The following HK2 variants were observed in gnomAD, a reference collection of about 807,000 sequenced individuals.
HK2 encodes the protein hexokinase-2.
HK2 carries 42 observed loss-of-function variants against 92.9 expected under a neutral mutation model. The ratio of observed to expected loss-of-function variants is 0.45; its 90% CI spans 0.35 to 0.58. HK2 has a LOEUF of 0.58. HK2 is among the 20% of genes least tolerant of loss of function. HK2 has a pLI of 0.00. For missense variants in HK2, 978 were observed against 1,245.1 expected, an observed-to-expected ratio of 0.79 and a Z score of 3.23; for synonymous variants, 422 against 468.0, an observed-to-expected ratio of 0.90 and a Z score of 1.27.
In HK2 at chr2:74,889,432, A is replaced by G. The variant is rs143752008; in HGVS notation, c.2563A>G (p.Lys855Glu). 4 of 1,613,778 alleles carry G rather than the reference A, an allele frequency of 2.5e-6. No individual in the cohort carries two copies. The African/African-American group carries it at 5.3e-5, about 22-fold the overall frequency. The stretch of plus-strand genomic sequence containing the variant: ...AGAAAACCGTGGGCTGGACGCTCTC[A>G]AAGTGACAGTGGGTGTGGATGGGAC... ...IRENRGLDAL[K>E]VTVGVDGTLY... The change falls in exon 17 of 18, where the codon AAA becomes GAA. Residue 855 changes from lysine to glutamate, a missense_variant. This residue lies in a region of HK2 where 742 missense variants were observed against 922.5 expected (regional missense o/e 0.80). Coordinates refer to ENST00000290573, the MANE Select transcript of HK2 (RefSeq NM_000189.5).
intron 6 of HK2, 102 bp from the exon 7 acceptor site, chr2:74,874,164 C>A: frequency 6.8e-7 from 1 of 1,464,756 alleles, no homozygotes; most frequent in Non-Finnish European, 9.5e-7. Context: ...TGAGAAATCC[C>A]AGCCATCCTG....
intron 1 of HK2, among the ~76,000 whole-genome samples, chr2:74,853,478 C>T (rs1353537204): frequency 6.6e-6 from 1 of 151,848 alleles, no homozygotes; most frequent in Non-Finnish European, 1.5e-5. Context: ...GATTGCGCCA[C>T]TCTACTCCAG....
chr2:74,886,289 C>T lies in HK2; in HGVS notation c.1936-5C>T. On this transcript the variant is annotated splice_polypyrimidine_tract_variant and splice_region_variant and intron_variant, in intron 13 of 17. Coordinates refer to ENST00000290573, the MANE Select transcript of HK2 (RefSeq NM_000189.5). ...TGAACTGGGCATCTGCTTCTTCCCT[C>T]TCAGGAGTTTGACCTGGATGTGGTT... The T allele has an allele frequency of 6.2e-7, 1 of 1,613,220 alleles. No individual in the cohort carries two copies. The highest frequency in any genetic ancestry group is 2.2e-5 in the East Asian group (1 of 44,878).
intron 6 of HK2, 144 bp downstream of exon 6, chr2:74,874,087 AG>A: frequency 1.0e-6 from 1 of 966,914 alleles, no homozygotes; most frequent in Non-Finnish European, 1.6e-6. Context: ...AGAGCCGAGC[AG>A]GGACTCATGG....
intron 2 of HK2, among the ~76,000 whole-genome samples, chr2:74,858,365 G>A (rs1048467841): frequency 6.6e-6 from 1 of 152,182 alleles, no homozygotes; most frequent in African/African-American, 2.4e-5. Context: ...GGACAGTGTG[G>A]GGTGAGAGGT....
In HK2 at chr2:74,880,293, C is replaced by T. The variant is rs148796379; in HGVS notation, c.1294C>T (p.Arg432Trp). The T allele has an allele frequency of 3.5e-5, 56 of 1,614,048 alleles. No homozygotes were observed. The highest frequency in any genetic ancestry group is 1.6e-4 in the Middle Eastern group (1 of 6,082). ...HFAKRLHKTV[R>W]RLVPGCDVRF... is the part of the protein sequence containing the mutation. ...TGCCAAGCGTCTACATAAGACCGTG[C>T]GGCGGCTGGTGCCCGGCTGCGATGT... The change falls in exon 10 of 18, where the codon CGG becomes TGG. Residue 432 changes from arginine to tryptophan, a missense_variant. Physicochemically the swap from Arg to Trp is moderately radical, Grantham distance 101 (BLOSUM62 -3). This residue lies in a region of HK2 where 742 missense variants were observed against 922.5 expected (regional missense o/e 0.80). Coordinates refer to ENST00000290573, the MANE Select transcript of HK2 (RefSeq NM_000189.5).
intron 13 of HK2, among the ~76,000 whole-genome samples, chr2:74,885,832 T>A (rs1203911732): frequency 7.2e-6 from 1 of 139,364 alleles, no homozygotes; most frequent in East Asian, 2.3e-4. Flanking sequence ...GCAGGTGCTG[T>A]TAAGAGCTGT....
In HK2 at chr2:74,840,878, C is replaced by CA. The variant is rs56344068; in HGVS notation, c.63+6261dup. On this transcript the variant is annotated intron_variant, in intron 1 of 17. Transcript: ENST00000290573. ...TGGGCGACAGAGCAAGACTCTGTCT[C>CA]AAAAAAAAAAAAAAAAAAAAAAAAA... Among the ~76,000 whole-genome samples the CA allele has an allele frequency of 8.6e-3, 480 of 55,952 alleles. 48 individuals are homozygous for CA. Among genetic ancestry groups the CA allele is most frequent in the African/African-American group, 0.037 (420 of 11,376 alleles). 36.7% of individuals were successfully genotyped at this position (55,952 alleles called of 152,430 possible).
At chr2:74,873,448 T>C (rs1689148558) in intron 5 of HK2, 77 bp downstream of exon 5, 1 of 948,436 alleles carries the variant, frequency 1.1e-6, no homozygotes, top group Non-Finnish European at 1.7e-6. Context: ...TGTCCTTGAC[T>C]CATCATTGTT....
chr2:74,878,436 TGTGC>T (rs1247864163), intron 8 of HK2, among the ~76,000 whole-genome samples: 9 of 139,776 alleles, frequency 6.4e-5, no homozygotes, highest in African/African-American at 1.4e-4. Flanking sequence ...TGTGTGTGTG[TGTGC>T]GCACGCACAT....
intron 10 of HK2, among the ~76,000 whole-genome samples, chr2:74,881,062 AC>A (rs1689379152): frequency 1.1e-5 from 1 of 89,454 alleles, no homozygotes. Flanking sequence ...CTGTTTTTGT[AC>A]ATAAGGTTTT....
At chr2:74,879,842 G>A (rs537173921) in intron 9 of HK2, among the ~76,000 whole-genome samples, 22 of 152,220 alleles carry the variant, frequency 1.4e-4, no homozygotes, top group Non-Finnish European at 3.1e-4. Context: ...GTCTTTCCCA[G>A]ACAGCAGCTA....
chr2:74,834,657 G>T lies in HK2; in HGVS notation c.63+14G>T, dbSNP rs374564700. On this transcript the variant is annotated intron_variant, in intron 1 of 17. Coordinates refer to ENST00000290573, the MANE Select transcript of HK2 (RefSeq NM_000189.5). This position sits in a 1 kb window ranked among gnomAD's most constrained non-coding sequence, Gnocchi z 4.2. ...CAAGTGCAGAAGGTAAGTCAGCGCG[G>T]GCGGGGCGGCAGGCTGGGCTCTGGC... 4 of 1,613,888 alleles carry T rather than the reference G, an allele frequency of 2.5e-6. No homozygotes were observed. The highest frequency in any genetic ancestry group is 1.7e-5 in the Admixed American group (1 of 60,026).
intron 12 of HK2, among the ~76,000 whole-genome samples, chr2:74,883,569 C>A (rs1358670915): frequency 2.0e-5 from 3 of 152,222 alleles, no homozygotes; most frequent in African/African-American, 7.2e-5. Flanking sequence ...CAGTGGCCCT[C>A]ACCTTGGCTT....
intron 2 of HK2, among the ~76,000 whole-genome samples, chr2:74,860,665 GT>G (rs1392952102): frequency 1.3e-5 from 2 of 152,166 alleles, no homozygotes; most frequent in Admixed American, 6.5e-5. Context: ...GCAGTTTCCA[GT>G]TTTTGGCTAT....
At chr2:74,858,948 A>G (rs2103903535) in intron 2 of HK2, among the ~76,000 whole-genome samples, 1 of 152,360 alleles carries the variant, frequency 6.6e-6, no homozygotes, top group South Asian at 2.1e-4. Flanking sequence ...TGTGTGGCCT[A>G]CACAGTGTGA....
At chr2:74,872,766 G>A (rs954692503) in intron 4 of HK2, among the ~76,000 whole-genome samples, 1 of 152,204 alleles carries the variant, frequency 6.6e-6, no homozygotes, top group Non-Finnish European at 1.5e-5. Context: ...CACAAGTACA[G>A]TCATGTATTG....
intron 8 of HK2, among the ~76,000 whole-genome samples, chr2:74,878,013 G>A (rs1481029757): frequency 6.6e-6 from 1 of 152,180 alleles, no homozygotes; most frequent in Non-Finnish European, 1.5e-5. Context: ...TTTGTTTTAA[G>A]GGGAAACTCT....
chr2:74,873,339 G>A lies in HK2; in HGVS notation c.559G>A (p.Ala187Thr). ...TGGAGTGGAAGGCAGAGACGTTGTG[G>A]CTCTGATCCGGAAGGCCATCCAGAG... ...SSGVEGRDVV[A>T]LIRKAIQRRG... Residue 187 changes from alanine to threonine, a missense_variant, in exon 5 of 18, where the codon GCT (alanine) becomes ACT (threonine). Physicochemically the swap from Ala to Thr is moderately conservative, Grantham distance 58. Coordinates refer to ENST00000290573, the MANE Select transcript of HK2 (RefSeq NM_000189.5). 1 of 1,613,990 alleles carries A rather than the reference G, an allele frequency of 6.2e-7. No homozygotes were observed. Among genetic ancestry groups the A allele is most frequent in the African/African-American group, 1.3e-5 (1 of 75,034 alleles).
Sources: gnomAD v4.1 joint callset for allele counts (sites outside exome capture counted in the v4.1 genomes callset) on GRCh38, gnomAD v4.1.1 for gene constraint, gnomAD v4.1.1 regional missense constraint, Gnocchi (gnomAD v3.1) non-coding constraint, MANE v1.5 for transcripts, NCBI Gene and HGNC (gene_info 2026-07-23, HGNC 2026-07-21) for gene names.